Variants in NEMP2 observed in about 807,000 individuals in gnomAD.
NEMP2 encodes the protein nuclear envelope integral membrane protein 2.
Under a neutral mutation model 54.2 loss-of-function variants are expected in NEMP2, and 53 were observed. The observed-to-expected ratio is 0.98, with a 90% CI of 0.78 to 1.23. The LOEUF (loss-of-function observed/expected upper bound fraction) is 1.23. NEMP2 is among the 50% of genes most tolerant of loss of function. The probability of loss-of-function intolerance (pLI) is 0.00; values close to 1 mark genes in which losing one functional copy is unlikely to be tolerated. For synonymous variants in NEMP2, 197 were observed against 190.3 expected (o/e 1.04, Z -0.29); for missense variants, 455 against 511.3 (o/e 0.89, Z 1.06).
the NEMP2 span, among the ~76,000 whole-genome samples, chr2:190,604,755 A>G: frequency 1.3e-5 from 2 of 152,130 alleles, no homozygotes; most frequent in African/African-American, 4.8e-5. This position sits in a 1 kb window ranked among gnomAD's most constrained non-coding sequence, Gnocchi z 4.5. Context: ...TTAAAAAATG[A>G]TAATATTGTT....
At chr2:190,647,212 C>T in the NEMP2 span, among the ~76,000 whole-genome samples, 2 of 152,200 alleles carry the variant, frequency 1.3e-5, no homozygotes, top group African/African-American at 4.8e-5. Context: ...ATCAACTCAA[C>T]TACTCCAGAC....
the NEMP2 span, among the ~76,000 whole-genome samples, chr2:190,554,550 C>G: frequency 1.3e-5 from 2 of 152,248 alleles, no homozygotes; most frequent in Admixed American, 1.3e-4. This position sits in a 1 kb window ranked among gnomAD's most constrained non-coding sequence, Gnocchi z 5.7. Context: ...GAATTTCAAA[C>G]TGGGCGGAGC....
At chr2:190,491,461 C>G in the NEMP2 span, among the ~76,000 whole-genome samples, 2 of 152,278 alleles carry the variant, frequency 1.3e-5, no homozygotes, top group African/African-American at 4.8e-5. This position sits in a 1 kb window ranked among gnomAD's most constrained non-coding sequence, Gnocchi z 4.2. Flanking sequence ...GCTGAGAGAC[C>G]TAAAGATGGT....
the NEMP2 span, among the ~76,000 whole-genome samples, chr2:190,490,425 C>T: frequency 5.9e-5 from 9 of 151,734 alleles, no homozygotes; most frequent in South Asian, 2.1e-4. This position sits in a 1 kb window ranked among gnomAD's most constrained non-coding sequence, Gnocchi z 4.5. Flanking sequence ...TAGCCGGGCA[C>T]GGTGGTGGGC....
the NEMP2 span, among the ~76,000 whole-genome samples, chr2:190,559,344 A>C: frequency 1.3e-5 from 2 of 152,238 alleles, no homozygotes; most frequent in Admixed American, 1.3e-4. The surrounding 1 kb of genome is among the most constrained non-coding windows in gnomAD (Gnocchi z 4.0). Flanking sequence ...GGAGAGTTGC[A>C]GCTCAGGAAG....
chr2:190,430,639 C>A, the NEMP2 span, among the ~76,000 whole-genome samples: 3 of 151,940 alleles, frequency 2.0e-5, no homozygotes, highest in African/African-American at 7.2e-5. Context: ...TCCGATTTCT[C>A]AATCTTTTCC....
At chr2:190,476,225 A>G in the NEMP2 span, among the ~76,000 whole-genome samples, 1 of 152,218 alleles carries the variant, frequency 6.6e-6, no homozygotes. Flanking sequence ...ATCTAATTAA[A>G]GAGCTTCTGC....
chr2:190,571,622 T>C, the NEMP2 span, among the ~76,000 whole-genome samples: 2 of 152,102 alleles, frequency 1.3e-5, no homozygotes, highest in African/African-American at 2.4e-5. Flanking sequence ...TTCACTCTCT[T>C]ACGAATTTCC....
At chr2:190,450,312 C>T in the NEMP2 span, among the ~76,000 whole-genome samples, 1,136 of 152,120 alleles carry the variant, frequency 7.5e-3, 15 homozygotes, top group South Asian at 0.014. Context: ...TAAATTTTCT[C>T]AGAAGCTTAC....
chr2:190,636,839 G>A, the NEMP2 span, among the ~76,000 whole-genome samples: 1 of 152,222 alleles, frequency 6.6e-6, no homozygotes, highest in African/African-American at 2.4e-5. Context: ...GAACCTGCAA[G>A]TGCTAATAAG....
At chr2:190,484,470 G>A in the NEMP2 span, among the ~76,000 whole-genome samples, 1 of 152,084 alleles carries the variant, frequency 6.6e-6, no homozygotes, top group African/African-American at 2.4e-5. Flanking sequence ...CAGGAATGTC[G>A]TTTTCGGTAG....
At chr2:190,574,455 A>G in the NEMP2 span, among the ~76,000 whole-genome samples, 1 of 152,198 alleles carries the variant, frequency 6.6e-6, no homozygotes, top group South Asian at 2.1e-4. Flanking sequence ...TTCTTTCTTA[A>G]TGGATTTATT....
chr2:190,536,101 T>C (rs987693378), upstream of NEMP2: 8 of 152,248 alleles, frequency 5.3e-5, no homozygotes, highest in African/African-American at 1.2e-4. Flanking sequence ...AGATCCTTAG[T>C]AAATATCTGT....
chr2:190,434,677 C>T, the NEMP2 span, among the ~76,000 whole-genome samples: 1 of 152,182 alleles, frequency 6.6e-6, no homozygotes, highest in Non-Finnish European at 1.5e-5. The surrounding 1 kb of genome is among the most constrained non-coding windows in gnomAD (Gnocchi z 4.3). Context: ...CATGATCCGC[C>T]CCCCTCAGCC....
the NEMP2 span, among the ~76,000 whole-genome samples, chr2:190,574,778 TCCTTCCCTCCCTTCCCTCCCTTCCCTC>T: frequency 5.7e-5 from 6 of 105,658 alleles, no homozygotes; most frequent in East Asian, 2.7e-4. Flanking sequence ...CTCCCTTCCC[TCCTTCCCTCCCTTCCCTCCCTTCCCTC>T]CCTTCCCTCC....
the NEMP2 span, among the ~76,000 whole-genome samples, chr2:190,622,854 GA>G: frequency 6.6e-6 from 1 of 151,150 alleles, no homozygotes; most frequent in East Asian, 1.9e-4. Context: ...AATTAAGCTA[GA>G]AAAAAAATAA....
the NEMP2 span, among the ~76,000 whole-genome samples, chr2:190,463,602 C>T: frequency 6.6e-6 from 1 of 152,188 alleles, no homozygotes; most frequent in Non-Finnish European, 1.5e-5. The surrounding 1 kb of genome is among the most constrained non-coding windows in gnomAD (Gnocchi z 4.4). Context: ...AGGAGGATTG[C>T]TTGAGCCCAG....
intron 6 of NEMP2, 82 bp downstream of exon 6, chr2:190,516,188 G>C: frequency 1.1e-6 from 1 of 911,842 alleles, no homozygotes; most frequent in Non-Finnish European, 1.6e-6. Context: ...ATGTTGGAGA[G>C]AAACATCTAT....
the NEMP2 span, among the ~76,000 whole-genome samples, chr2:190,433,953 G>T: frequency 1.3e-5 from 2 of 152,140 alleles, no homozygotes; most frequent in African/African-American, 4.8e-5. The surrounding 1 kb of genome is among the most constrained non-coding windows in gnomAD (Gnocchi z 4.5). Context: ...CACTTTGGGA[G>T]GCTGAGGCAA....
Sources: allele counts gnomAD v4.1 joint callset (sites outside exome capture counted in the v4.1 genomes callset), GRCh38; gene constraint gnomAD v4.1.1; non-coding constraint Gnocchi (gnomAD v3.1); transcripts MANE v1.5; gene names NCBI Gene and HGNC (gene_info 2026-07-23, HGNC 2026-07-21).